Variants in RYR2 observed in about 807,000 individuals in gnomAD.
The protein encoded by RYR2 is ryanodine receptor 2.
A neutral mutation model predicts 601.1 loss-of-function variants in RYR2; 227 were observed. That is an observed-to-expected ratio of 0.38 (90% CI 0.34 to 0.42). The LOEUF (loss-of-function observed/expected upper bound fraction) is 0.42, where lower values mean the gene tolerates loss of function less well. RYR2 is among the 10% of genes least tolerant of loss of function. The probability of loss-of-function intolerance (pLI) is 1.00; values close to 1 mark genes in which losing one functional copy is unlikely to be tolerated. For missense variants in RYR2, 4,646 were observed against 6,156.5 expected (o/e 0.75, Z 8.21); for synonymous variants, 2,223 against 2,175.1 (o/e 1.02, Z -0.61).
intron 27 of RYR2, among the ~76,000 whole-genome samples, chr1:237,553,540 CTTCT>C (rs1347664773): frequency 2.9e-4 from 44 of 151,430 alleles, no homozygotes; most frequent in Non-Finnish European, 5.2e-4. Context: ...GTTTTTTGTT[CTTCT>C]TTTGCATTTC....
intron 1 of RYR2, among the ~76,000 whole-genome samples, chr1:237,092,485 T>C (rs1222250627): frequency 6.6e-6 from 1 of 152,044 alleles, no homozygotes; most frequent in Non-Finnish European, 1.5e-5. Context: ...TGTTTATATA[T>C]GTGGTATACT....
At position 237,531,081 on chromosome 1, in the gene RYR2, T is replaced by C. The variant is rs188954032; in HGVS notation, c.2906+571T>C. ...TTGTGTTATTTTCCCAGTGTGTGTT[T>C]ATATGTTAACAGAGGTATCCATATT... On this transcript the variant is annotated intron_variant, in intron 25 of 104. Coordinates refer to ENST00000366574, the MANE Select transcript of RYR2 (RefSeq NM_001035.3). 3.0e-3 allele frequency among the ~76,000 whole-genome samples: 452 copies of C among 152,350 alleles called. 8 individuals are homozygous for C. The highest frequency in any genetic ancestry group is 0.027 in the Admixed American group (416 of 15,300).
chr1:237,411,603 G>A (rs532099675), intron 10 of RYR2, among the ~76,000 whole-genome samples: 1 of 152,218 alleles, frequency 6.6e-6, no homozygotes, highest in South Asian at 2.1e-4. Context: ...CATTTGTTGT[G>A]CAAGGACTTT....
chr1:237,758,532 A>G (rs1458592045), intron 82 of RYR2, among the ~76,000 whole-genome samples: 1 of 152,200 alleles, frequency 6.6e-6, no homozygotes, highest in African/African-American at 2.4e-5. Flanking sequence ...CACTACGTGT[A>G]TATTTGCTAT....
At chr1:237,107,431 G>A (rs1668835972) in intron 1 of RYR2, among the ~76,000 whole-genome samples, 1 of 138,698 alleles carries the variant, frequency 7.2e-6, no homozygotes, top group Non-Finnish European at 1.5e-5. Context: ...TGAGGCAGGA[G>A]AATGGCGTGA....
At chr1:237,500,964 ACT>A in intron 21 of RYR2, 61 bp downstream of exon 21, 3 of 1,439,376 alleles carry the variant, frequency 2.1e-6, no homozygotes, top group Non-Finnish European at 2.0e-6. Context: ...TCCACAGAAG[ACT>A]CTGCACTGCC....
chr1:237,181,908 T>C (rs1678802420), intron 1 of RYR2, among the ~76,000 whole-genome samples: 1 of 152,192 alleles, frequency 6.6e-6, no homozygotes. Context: ...CGTCACAATC[T>C]GGCCATCAAA....
intron 101 of RYR2, among the ~76,000 whole-genome samples, chr1:237,824,341 G>T (rs942010120): frequency 2.0e-5 from 3 of 152,170 alleles, no homozygotes; most frequent in Non-Finnish European, 4.4e-5. Flanking sequence ...GATCAAGTAG[G>T]CTTCATCCCT....
chr1:237,469,030 G>A (rs544827799), intron 16 of RYR2, 62 bp from the exon 17 acceptor site: 1 of 1,366,410 alleles, frequency 7.3e-7, no homozygotes, highest in East Asian at 2.3e-5. Context: ...CTGCATATTA[G>A]CTTATCTCAA....
chr1:237,550,882 G>A (rs1000778335), intron 27 of RYR2, among the ~76,000 whole-genome samples, 191 bp downstream of exon 27: 2 of 152,140 alleles, frequency 1.3e-5, no homozygotes, highest in Non-Finnish European at 2.9e-5. Context: ...GATGGCTCAG[G>A]ATGCTGATGA....
intron 24 of RYR2, among the ~76,000 whole-genome samples, chr1:237,512,807 G>T (rs796832232): frequency 2.6e-5 from 4 of 152,274 alleles, no homozygotes; most frequent in African/African-American, 9.6e-5. Context: ...GGAGATTGAG[G>T]CTCCAGTGAG....
At position 237,381,543 on chromosome 1, in the gene RYR2, C is replaced by T. The variant is rs181350280; in HGVS notation, c.576+4108C>T. On this transcript the variant is annotated intron_variant, in intron 8 of 104. Transcript: ENST00000366574. The stretch of plus-strand genomic sequence containing the variant: ...TGATCAGTGTCTATTGACCGATGAG[C>T]GATTTTTCTTTCACTAACAGCGATG... 7.2e-4 allele frequency among the ~76,000 whole-genome samples: 109 copies of T among 152,226 alleles called. 2 individuals are homozygous for T. The highest frequency in any genetic ancestry group is 2.5e-4 in the Non-Finnish European group (17 of 68,016).
intron 2 of RYR2, among the ~76,000 whole-genome samples, chr1:237,326,665 C>T (rs947134197): frequency 2.0e-5 from 3 of 152,152 alleles, no homozygotes; most frequent in Non-Finnish European, 4.4e-5. Context: ...GGGCAAGGAA[C>T]GTTCTTTCAC....
chr1:237,123,140 T>C (rs1318218014), intron 1 of RYR2, among the ~76,000 whole-genome samples: 1 of 152,092 alleles, frequency 6.6e-6, no homozygotes, highest in East Asian at 1.9e-4. Context: ...ATGATGCCCA[T>C]AGTGAGAACC....
intron 1 of RYR2, among the ~76,000 whole-genome samples, chr1:237,123,448 T>TGTG (rs1339668293): frequency 1.3e-5 from 2 of 151,848 alleles, no homozygotes; most frequent in Non-Finnish European, 2.9e-5. Flanking sequence ...ATTAGCTAGA[T>TGTG]GTGGTGGTGC....
chr1:237,338,107 T>G (rs1346989079), intron 3 of RYR2, among the ~76,000 whole-genome samples: 1 of 152,180 alleles, frequency 6.6e-6, no homozygotes, highest in African/African-American at 2.4e-5. Context: ...GGGATTAGGA[T>G]GTGGATGGTT....
chr1:237,052,792 G>A (rs552640057), intron 1 of RYR2, among the ~76,000 whole-genome samples: 11 of 151,934 alleles, frequency 7.2e-5, no homozygotes, highest in South Asian at 2.1e-4. Context: ...ACACACACAC[G>A]CATTGCATAC....
In RYR2 at chr1:237,792,371, G is replaced by GCGCGCGCA. The variant is rs1260807996; in HGVS notation, c.13782+48_13782+49insCGCGCGCA. On this transcript the variant is annotated intron_variant, in intron 94 of 104. Transcript: ENST00000366574. ...TACCTGTGTGTGTGTGTGTGTGTGT[G>GCGCGCGCA]TGTGTGTGTGCGTGTGTGTGTGTGT... is the stretch of plus-strand genomic sequence containing the variant. 38 of 936,858 alleles carry GCGCGCGCA rather than the reference G, an allele frequency of 4.1e-5. No individual in the cohort carries two copies. The African/African-American group carries it at 8.3e-4, about 21-fold the overall frequency. 58.0% of individuals were successfully genotyped at this position (936,858 alleles called of 1,614,324 possible).
intron 2 of RYR2, among the ~76,000 whole-genome samples, chr1:237,323,820 G>C (rs895581982): frequency 6.6e-6 from 1 of 152,162 alleles, no homozygotes; most frequent in Non-Finnish European, 1.5e-5. Flanking sequence ...TGTTTCTGAA[G>C]ATTCAAAGGA....
Sources: allele counts gnomAD v4.1 joint callset (sites outside exome capture counted in the v4.1 genomes callset), GRCh38; gene constraint gnomAD v4.1.1; transcripts MANE v1.5; gene names NCBI Gene and HGNC (gene_info 2026-07-23, HGNC 2026-07-21).